The following ZFHX4 variants were observed in gnomAD, a reference collection of about 807,000 sequenced individuals.
ZFHX4 encodes the protein zinc finger homeobox protein 4.
A neutral mutation model predicts 267.6 loss-of-function variants in ZFHX4; 56 were observed. The observed-to-expected ratio is 0.21, with a 90% CI of 0.17 to 0.26. The LOEUF (loss-of-function observed/expected upper bound fraction) is 0.26, where lower values mean the gene tolerates loss of function less well. Among genes scored for constraint, ZFHX4 ranks in the 10% least tolerant of loss-of-function variants. The probability of loss-of-function intolerance (pLI) is 1.00; values close to 1 mark genes in which losing one functional copy is unlikely to be tolerated. For synonymous variants in ZFHX4, 1,778 were observed against 1,665.6 expected, an observed-to-expected ratio of 1.07 and a Z score of -1.64; for missense variants, 4,332 against 4,420.0, an observed-to-expected ratio of 0.98 and a Z score of 0.56.
At chr8:76,802,401 A>T (rs563619584) in intron 4 of ZFHX4, among the ~76,000 whole-genome samples, 1 of 152,306 alleles carries the variant, frequency 6.6e-6, no homozygotes, top group Non-Finnish European at 1.5e-5. Context: ...CAACTACAAC[A>T]TTCACTGTAT....
Position 76,863,279 on chromosome 8 carries a change from T to C in ZFHX4, c.9565T>C (p.Ser3189Pro), listed in dbSNP as rs940196488. 4.3e-6 allele frequency: 7 copies of C among 1,611,784 alleles called. No homozygotes were observed. The highest frequency in any genetic ancestry group is 4.0e-5 in the African/African-American group (3 of 74,618). ...GCAGACCGAGCAACAGAACAAAGAA[T>C]CTGAGAAAAAGCAAACTAAGCCAAA... is the stretch of plus-strand genomic sequence containing the variant. ...GQQTEQQNKESEKKQTKPNKV... is the reference protein window; with the variant it reads ...GQQTEQQNKEPEKKQTKPNKV... Residue 3189 changes from serine to proline, a missense_variant, in exon 11 of 11, where the codon TCT becomes CCT. Around this residue, in one of 7 missense-constraint regions of ZFHX4, gnomAD observed 1,648 missense variants for 1,625.0 expected, o/e 1.01. Transcript: ENST00000651372.
intron 3 of ZFHX4, among the ~76,000 whole-genome samples, chr8:76,732,205 T>A (rs921814515): frequency 3.9e-5 from 6 of 152,082 alleles, no homozygotes; most frequent in Non-Finnish European, 8.8e-5. Flanking sequence ...AGATGCAATA[T>A]TTTTCATAAA....
chr8:76,812,289 A>C (rs1307147307), intron 4 of ZFHX4, among the ~76,000 whole-genome samples: 1 of 152,182 alleles, frequency 6.6e-6, no homozygotes, highest in East Asian at 1.9e-4. Context: ...AAGAATTTTA[A>C]ATTCTGTTGC....
chr8:76,853,148 C>T lies in ZFHX4; in HGVS notation c.6227C>T (p.Pro2076Leu), dbSNP rs1333429713. The change falls in exon 10 of 11, where the codon CCG (proline) becomes CTG (leucine). Residue 2076 changes from proline (P) to leucine (L), a missense_variant. By Grantham distance (98) the Pro-to-Leu change is moderately conservative (BLOSUM62 -3). Coordinates refer to ENST00000651372, the MANE Select transcript of ZFHX4 (RefSeq NM_024721.5). ...QVQLPVSLDL[P>L]LFPSIMMQPV... ...CAACTGCCGGTTTCTCTGGACCTGC[C>T]GCTCTTTCCTTCCATTATGATGCAA... 2.1e-5 allele frequency: 33 copies of T among 1,550,162 alleles called. No homozygotes were observed. Among genetic ancestry groups the T allele is most frequent in the East Asian group, 4.9e-5 (2 of 40,790 alleles).
At chr8:76,805,606 T>G (rs1388298966) in intron 4 of ZFHX4, among the ~76,000 whole-genome samples, 2 of 151,068 alleles carry the variant, frequency 1.3e-5, no homozygotes, top group Non-Finnish European at 1.5e-5. Flanking sequence ...TTTTTTTTTG[T>G]AGTCAGAGAT....
chr8:76,703,931 CT>C, intron 1 of ZFHX4, 111 bp from the exon 2 acceptor site: 1 of 801,644 alleles, frequency 1.2e-6, no homozygotes. Flanking sequence ...AGTTTTTCCC[CT>C]TACCTTTTTA....
At chr8:76,794,976 C>T (rs1363053679) in intron 4 of ZFHX4, among the ~76,000 whole-genome samples, 1 of 151,860 alleles carries the variant, frequency 6.6e-6, no homozygotes, top group Non-Finnish European at 1.5e-5. Flanking sequence ...CAAGTTGTCT[C>T]TGGGCCAGCT....
intron 4 of ZFHX4, among the ~76,000 whole-genome samples, chr8:76,801,220 A>C (rs1811109723): frequency 6.6e-6 from 1 of 152,172 alleles, no homozygotes; most frequent in Non-Finnish European, 1.5e-5. Context: ...TTTGTCATTT[A>C]GAAGTGACTT....
intron 4 of ZFHX4, among the ~76,000 whole-genome samples, chr8:76,826,744 G>A (rs1811795523): frequency 6.6e-6 from 1 of 152,204 alleles, no homozygotes; most frequent in Non-Finnish European, 1.5e-5. Context: ...TAAAGTTTCA[G>A]TTAAGTAATA....
chr8:76,759,496 C>T (rs978415533), intron 3 of ZFHX4, among the ~76,000 whole-genome samples: 1 of 152,162 alleles, frequency 6.6e-6, no homozygotes, highest in African/African-American at 2.4e-5. Context: ...AAATGATCTG[C>T]CCCCAGGCCA....
At chr8:76,835,641 C>T (rs1812074056) in intron 5 of ZFHX4, among the ~76,000 whole-genome samples, 1 of 151,830 alleles carries the variant, frequency 6.6e-6, no homozygotes, top group Non-Finnish European at 1.5e-5. Context: ...TTATTTTCTC[C>T]TAAAAATCTA....
intron 3 of ZFHX4, among the ~76,000 whole-genome samples, chr8:76,723,854 T>G (rs1054558390): frequency 6.6e-6 from 1 of 152,090 alleles, no homozygotes; most frequent in African/African-American, 2.4e-5. Context: ...TCCTCTAATC[T>G]TGGGGAAAGT....
chr8:76,783,273 G>A (rs16939360), intron 4 of ZFHX4, among the ~76,000 whole-genome samples: 15,133 of 151,994 alleles, frequency 0.1, 1,054 homozygotes, highest in East Asian at 0.3. Flanking sequence ...ATGAAAGCTC[G>A]TCTGACTTTG....
At chr8:76,707,518 T>G in intron 2 of ZFHX4, 28 bp from the exon 3 acceptor site, 1 of 1,479,614 alleles carries the variant, frequency 6.8e-7, no homozygotes, top group South Asian at 1.4e-5. Flanking sequence ...TAGTCTCTAT[T>G]TTTCCTTTTA....
At chr8:76,708,355 A>ATTGAT in intron 3 of ZFHX4, 1 of 281,214 alleles carries the variant, frequency 3.6e-6, no homozygotes, top group Non-Finnish European at 6.4e-6. Context: ...TTTTAAACCT[A>ATTGAT]TTGATTTTTT....
intron 4 of ZFHX4, among the ~76,000 whole-genome samples, chr8:76,793,925 A>C (rs1277049820): frequency 6.6e-6 from 1 of 152,210 alleles, no homozygotes; most frequent in African/African-American, 2.4e-5. Flanking sequence ...TTTAAAAGTC[A>C]GTGTTGAAGT....
At chr8:76,785,088 A>G (rs1810651976) in intron 4 of ZFHX4, among the ~76,000 whole-genome samples, 1 of 152,102 alleles carries the variant, frequency 6.6e-6, no homozygotes. Context: ...AGACTAAAAG[A>G]GTTTTTAATC....
Position 76,849,407 on chromosome 8 carries a change from T to C in ZFHX4, c.3646-105T>C, listed in dbSNP as rs898575949. 5 of 1,065,316 alleles carry C rather than the reference T, an allele frequency of 4.7e-6. No individual in the cohort carries two copies. The African/African-American group carries it at 6.2e-5, about 13-fold the overall frequency. 66.0% of individuals were successfully genotyped at this position (1,065,316 alleles called of 1,614,324 possible). On this transcript the variant is annotated intron_variant, in intron 7 of 10. Coordinates refer to ENST00000651372, the MANE Select transcript of ZFHX4 (RefSeq NM_024721.5). ...ACCCTGATTTGATTATTACACATTGTAAGCATGTACCAAAATATCACACGT... is the reference window on the plus strand; with the variant it reads ...ACCCTGATTTGATTATTACACATTGCAAGCATGTACCAAAATATCACACGT...
At chr8:76,827,708 G>A (rs945393212) in intron 4 of ZFHX4, among the ~76,000 whole-genome samples, 1 of 152,026 alleles carries the variant, frequency 6.6e-6, no homozygotes, top group African/African-American at 2.4e-5. Flanking sequence ...CCATTACACC[G>A]AGGTCATAGA....
Sources: gnomAD v4.1 joint callset for allele counts (sites outside exome capture counted in the v4.1 genomes callset) on GRCh38, gnomAD v4.1.1 for gene constraint, gnomAD v4.1.1 regional missense constraint, MANE v1.5 for transcripts, NCBI Gene and HGNC (gene_info 2026-07-23, HGNC 2026-07-21) for gene names.